The following DPYD variants were observed in gnomAD, a reference collection of about 807,000 sequenced individuals.
DPYD encodes dihydropyrimidine dehydrogenase [NADP(+)].
A neutral mutation model predicts 116.2 loss-of-function variants in DPYD; 109 were observed. That is an observed-to-expected ratio of 0.94 (90% CI 0.80 to 1.10). The LOEUF is 1.10. Ranked by LOEUF, DPYD falls within the 50% of genes least tolerant of loss-of-function variation. The probability of loss-of-function intolerance (pLI) is 0.00; values close to 1 mark genes in which losing one functional copy is unlikely to be tolerated. For missense variants in DPYD, 1,302 were observed against 1,254.5 expected, an observed-to-expected ratio of 1.04 and a Z score of -0.57; for synonymous variants, 440 against 432.0, an observed-to-expected ratio of 1.02 and a Z score of -0.23.
chr1:97,395,761 C>G (rs940181386), intron 14 of DPYD, among the ~76,000 whole-genome samples: 1 of 151,898 alleles, frequency 6.6e-6, no homozygotes, highest in Non-Finnish European at 1.5e-5. Flanking sequence ...GATGATGTAC[C>G]AGAGTTAAAC....
chr1:97,317,365 C>A (rs964949992), intron 16 of DPYD, among the ~76,000 whole-genome samples: 2 of 152,042 alleles, frequency 1.3e-5, no homozygotes, highest in Admixed American at 6.6e-5. Context: ...GTTTCCTAAT[C>A]ATTGCTTAGA....
At chr1:97,865,080 GTATGTGT>G (rs1377383877) in intron 2 of DPYD, among the ~76,000 whole-genome samples, 1 of 151,880 alleles carries the variant, frequency 6.6e-6, no homozygotes, top group Non-Finnish European at 1.5e-5. Context: ...CTACTGCCTT[GTATGTGT>G]CTGCTTCTTC....
intron 1 of DPYD, among the ~76,000 whole-genome samples, chr1:97,892,207 A>T (rs1207549044): frequency 1.3e-5 from 2 of 152,008 alleles, no homozygotes; most frequent in Admixed American, 1.3e-4. Flanking sequence ...TTCTCAGCTA[A>T]CAGAAAAACA....
At chr1:97,575,416 GA>G (rs1351473812) in intron 10 of DPYD, among the ~76,000 whole-genome samples, 1 of 151,932 alleles carries the variant, frequency 6.6e-6, no homozygotes, top group East Asian at 1.9e-4. Context: ...GGAGGATTAA[GA>G]AAAAAATCTA....
chr1:97,389,940 G>A (rs563811966), intron 14 of DPYD, among the ~76,000 whole-genome samples: 1 of 150,182 alleles, frequency 6.7e-6, no homozygotes, highest in Non-Finnish European at 1.5e-5. Flanking sequence ...CAAATTTAAT[G>A]GTCAACTTTT....
chr1:97,279,750 T>C (rs1665186075), intron 18 of DPYD, among the ~76,000 whole-genome samples: 1 of 152,146 alleles, frequency 6.6e-6, no homozygotes, highest in Non-Finnish European at 1.5e-5. Context: ...CCTTAGGTGA[T>C]CCGCCCACCT....
At chr1:97,909,797 T>C (rs898651891) in intron 1 of DPYD, among the ~76,000 whole-genome samples, 1 of 152,096 alleles carries the variant, frequency 6.6e-6, no homozygotes, top group African/African-American at 2.4e-5. Context: ...TTTATGTCAA[T>C]AATTCCTCAA....
chr1:97,666,925 C>G (rs1235263102), intron 8 of DPYD, among the ~76,000 whole-genome samples: 2 of 152,084 alleles, frequency 1.3e-5, no homozygotes, highest in African/African-American at 4.8e-5. Flanking sequence ...TTTCTTAAAA[C>G]AAGAAGAAAA....
intron 20 of DPYD, among the ~76,000 whole-genome samples, chr1:97,140,586 C>T (rs947778088): frequency 9.9e-5 from 15 of 152,100 alleles, no homozygotes; most frequent in African/African-American, 3.4e-4. Flanking sequence ...CATCCTTTCC[C>T]AGCACAATGG....
At chr1:97,895,018 G>C (rs553286629) in intron 1 of DPYD, among the ~76,000 whole-genome samples, 61 of 151,414 alleles carry the variant, frequency 4.0e-4, no homozygotes, top group African/African-American at 1.5e-3. Flanking sequence ...AAGTTGATAG[G>C]GATTATTACG....
intron 11 of DPYD, among the ~76,000 whole-genome samples, chr1:97,563,977 C>A (rs1401922295): frequency 6.6e-6 from 1 of 152,160 alleles, no homozygotes; most frequent in African/African-American, 2.4e-5. Flanking sequence ...ATCTTTCAAC[C>A]AAGCAAAAAT....
chr1:97,586,776 G>A (rs965097620), intron 10 of DPYD, among the ~76,000 whole-genome samples: 1 of 151,444 alleles, frequency 6.6e-6, no homozygotes, highest in Non-Finnish European at 1.5e-5. Flanking sequence ...TCACCTGTCA[G>A]TTTCTTTATA....
rs1234929318 is a variant in DPYD at position 97,814,931 on chromosome 1, AG to A, written c.233+13182del. On this transcript the variant is annotated intron_variant, in intron 3 of 22. Coordinates refer to ENST00000370192, the MANE Select transcript of DPYD (RefSeq NM_000110.4). ...AAAAAAAAAAAAAAAAGAAAGAGAG[AG>A]GAAAGAAAGAAAGAAAGAAAGAAAG... Among the ~76,000 whole-genome samples the A allele has an allele frequency of 0.011, 145 of 12,786 alleles. 3 individuals carry two copies. In the South Asian group the frequency reaches 0.18, roughly 16 times the overall value. The allele number at this position is 12,786 out of a possible 152,430, so 8.4% of individuals were successfully genotyped here. A position where few individuals can be genotyped will look rare whatever the true frequency, so the allele number is the denominator to read the frequency against.
At chr1:97,866,824 T>C (rs905310159) in intron 2 of DPYD, among the ~76,000 whole-genome samples, 2 of 151,580 alleles carry the variant, frequency 1.3e-5, no homozygotes, top group Non-Finnish European at 2.9e-5. Context: ...TAAAACAACA[T>C]AAAGAAAAGG....
At chr1:97,152,535 T>C (rs79942317) in intron 20 of DPYD, among the ~76,000 whole-genome samples, 1 of 151,348 alleles carries the variant, frequency 6.6e-6, no homozygotes, top group Non-Finnish European at 1.5e-5. Flanking sequence ...TATAAATATA[T>C]CTATTAAATT....
intron 19 of DPYD, among the ~76,000 whole-genome samples, chr1:97,228,301 T>C (rs1437018745): frequency 3.9e-5 from 6 of 152,226 alleles, no homozygotes; most frequent in Middle Eastern, 3.5e-3. Context: ...ATCACACTTA[T>C]GCAACTTATG....
chr1:97,793,953 T>C (rs966027142), intron 3 of DPYD, among the ~76,000 whole-genome samples: 10 of 152,150 alleles, frequency 6.6e-5, no homozygotes, highest in African/African-American at 2.2e-4. Context: ...GTTTGTTTGT[T>C]TGAGACAGGG....
intron 20 of DPYD, among the ~76,000 whole-genome samples, chr1:97,161,207 T>G (rs894851351): frequency 6.6e-6 from 1 of 152,122 alleles, no homozygotes; most frequent in Non-Finnish European, 1.5e-5. Flanking sequence ...ATTTTTCCCT[T>G]AAATAAAGTG....
At chr1:97,419,966 C>G (rs1324449937) in intron 14 of DPYD, 3 of 152,154 alleles carry the variant, frequency 2.0e-5, no homozygotes, top group Non-Finnish European at 4.4e-5. Context: ...AAAGGACAGT[C>G]AATTGTGGAT....
Sources: gnomAD v4.1 joint callset for allele counts (sites outside exome capture counted in the v4.1 genomes callset) on GRCh38, gnomAD v4.1.1 for gene constraint, MANE v1.5 for transcripts, NCBI Gene and HGNC (gene_info 2026-07-23, HGNC 2026-07-21) for gene names.